The following CLEC16A variants were observed in gnomAD, a reference collection of about 807,000 sequenced individuals.
The protein encoded by CLEC16A is protein CLEC16A.
In CLEC16A, 51 loss-of-function variants were observed where a neutral mutation model predicts 109.5. The observed-to-expected ratio is 0.47, with a 90% CI of 0.37 to 0.59. CLEC16A has a LOEUF of 0.59. Among genes scored for constraint, CLEC16A ranks in the 20% least tolerant of loss-of-function variants. The pLI, the probability that CLEC16A is intolerant of heterozygous loss-of-function variation, is 0.00. For missense variants in CLEC16A, 1,339 were observed against 1,394.0 expected (o/e 0.96, Z 0.63); for synonymous variants, 673 against 564.2 (o/e 1.19, Z -2.73).
intron 19 of CLEC16A, among the ~76,000 whole-genome samples, chr16:11,089,554 C>T (rs143565329): frequency 2.6e-4 from 39 of 152,332 alleles, no homozygotes; most frequent in Non-Finnish European, 3.5e-4. Context: ...CTGCCAACAG[C>T]GCAGGGAAAT....
Position 11,178,379 on chromosome 16 carries a change from C to T in CLEC16A, c.2851C>T (p.Gln951Ter). 1 of 1,613,780 alleles carries T rather than the reference C, an allele frequency of 6.2e-7. No homozygotes were observed. The highest frequency in any genetic ancestry group is 8.5e-7 in the Non-Finnish European group (1 of 1,179,816). Residue 951 changes from glutamine to a stop codon, truncating the protein, a stop_gained, in exon 24 of 24, where the codon CAG becomes TAG. Transcript: ENST00000409790. LOFTEE classifies it low-confidence loss of function (END_TRUNC). The surrounding 1 kb of genome is among the most constrained non-coding windows in gnomAD (Gnocchi z 6.5). ...PELPKPHLPD[Q>*]LVIVNETEAD... The stretch of plus-strand genomic sequence containing the variant: ...ACTGCCTAAGCCTCACCTTCCTGAC[C>T]AGTTGGTAATCGTCAACGAAACGGA...
At chr16:11,101,493 G>T (rs772667756) in intron 19 of CLEC16A, among the ~76,000 whole-genome samples, 1 of 152,166 alleles carries the variant, frequency 6.6e-6, no homozygotes, top group Admixed American at 6.5e-5. Context: ...TGCGTGTCTT[G>T]TTCATTCTGT....
intron 22 of CLEC16A, among the ~76,000 whole-genome samples, chr16:11,165,775 C>G (rs921983160): frequency 2.6e-5 from 4 of 152,120 alleles, no homozygotes; most frequent in African/African-American, 9.7e-5. Flanking sequence ...TGGGCAGACT[C>G]CACCTCCAGG....
chr16:10,969,157 C>T lies in CLEC16A; in HGVS notation c.344-4C>T. The T allele has an allele frequency of 6.2e-7, 1 of 1,604,934 alleles. No homozygotes were observed. The highest frequency in any genetic ancestry group is 1.7e-5 in the Admixed American group (1 of 57,720). Reference sequence around the variant, plus strand: ...TAACCTGTTTTGTTTTTTTCTCCCTCTAGATTATTTGCTCTCAAATAACTA... The same window carrying T: ...TAACCTGTTTTGTTTTTTTCTCCCTTTAGATTATTTGCTCTCAAATAACTA... On this transcript the variant is annotated splice_polypyrimidine_tract_variant and splice_region_variant and intron_variant, in intron 3 of 23. Transcript: ENST00000409790.
chr16:11,061,109 G>A (rs903226188), intron 19 of CLEC16A, 87 bp downstream of exon 19: 85 of 1,401,332 alleles, frequency 6.1e-5, no homozygotes, highest in Non-Finnish European at 7.6e-5. Context: ...CCACTGGGAG[G>A]GTCAGTGTGC....
intron 11 of CLEC16A, among the ~76,000 whole-genome samples, chr16:11,016,960 T>G (rs1229597260): frequency 8.9e-6 from 1 of 112,388 alleles, no homozygotes; most frequent in East Asian, 2.9e-4. Context: ...ATGGTGAGAG[T>G]GAACCTCACA....
intron 19 of CLEC16A, among the ~76,000 whole-genome samples, chr16:11,085,497 G>C (rs1234165170): frequency 1.3e-5 from 2 of 152,246 alleles, no homozygotes; most frequent in African/African-American, 2.4e-5. Flanking sequence ...TGTTTCTTCA[G>C]CTGTAAAATG....
chr16:11,024,877 C>G lies in CLEC16A; in HGVS notation c.1493C>G (p.Ala498Gly). The stretch of plus-strand genomic sequence containing the variant: ...GACAGCCCGGATGATGATTACCATG[C>G]CCTGTTCGTGCTCTGCCTCCTCTAT... ...ALDSPDDDYH[A>G]LFVLCLLYAM... Residue 498 changes from alanine to glycine, a missense_variant, in exon 13 of 24, where the codon GCC becomes GGC. Ala to Gly is a moderately conservative substitution (Grantham distance 60). Around this residue, in one of 3 missense-constraint regions of CLEC16A, gnomAD observed 1,061 missense variants for 1,006.8 expected, o/e 1.05. Transcript: ENST00000409790. 1 of 1,610,154 alleles carries G rather than the reference C, an allele frequency of 6.2e-7. No homozygotes were observed. Among genetic ancestry groups the G allele is most frequent in the Non-Finnish European group, 8.5e-7 (1 of 1,178,296 alleles).
chr16:11,112,273 T>C (rs1026613747), intron 19 of CLEC16A, among the ~76,000 whole-genome samples: 1 of 152,170 alleles, frequency 6.6e-6, no homozygotes, highest in Non-Finnish European at 1.5e-5. Flanking sequence ...GAGACACTTA[T>C]TATCCACTGT....
chr16:11,043,892 A>C, intron 15 of CLEC16A, 136 bp from the exon 16 acceptor site: 4 of 577,134 alleles, frequency 6.9e-6, no homozygotes, highest in Non-Finnish European at 8.7e-6. Flanking sequence ...GGAAAAAAAA[A>C]AAACACCATT....
At chr16:11,082,895 T>A (rs533965653) in intron 19 of CLEC16A, among the ~76,000 whole-genome samples, 8 of 152,284 alleles carry the variant, frequency 5.3e-5, no homozygotes, top group African/African-American at 1.9e-4. Flanking sequence ...ATCAACAGCT[T>A]CTCCATCCAG....
intron 22 of CLEC16A, among the ~76,000 whole-genome samples, chr16:11,158,149 C>T (rs1455195454): frequency 1.3e-5 from 2 of 152,158 alleles, no homozygotes; most frequent in African/African-American, 4.8e-5. Context: ...CACTTGCTGT[C>T]TTCAGTTTGT....
intron 14 of CLEC16A, chr16:11,040,409 G>A (rs2047259728): frequency 6.5e-6 from 1 of 153,572 alleles, no homozygotes; most frequent in Non-Finnish European, 1.4e-5. Context: ...GAGTGGGGTG[G>A]GGCCAGGAGA....
intron 19 of CLEC16A, among the ~76,000 whole-genome samples, chr16:11,097,295 G>A (rs2050661607): frequency 6.6e-6 from 1 of 152,196 alleles, no homozygotes; most frequent in Admixed American, 6.5e-5. Flanking sequence ...TCACAACTGT[G>A]AGTAAATGCC....
chr16:11,145,831 T>C (rs999198211), intron 22 of CLEC16A, among the ~76,000 whole-genome samples: 1 of 152,200 alleles, frequency 6.6e-6, no homozygotes, highest in African/African-American at 2.4e-5. Flanking sequence ...GTGAGTCGGG[T>C]CAAGTGTCTC....
At chr16:11,089,244 C>T (rs990883517) in intron 19 of CLEC16A, among the ~76,000 whole-genome samples, 1 of 152,194 alleles carries the variant, frequency 6.6e-6, no homozygotes, top group Non-Finnish European at 1.5e-5. Context: ...GGACCATGGA[C>T]ATCTTGTTCT....
At chr16:11,054,357 C>T (rs958989595) in intron 18 of CLEC16A, among the ~76,000 whole-genome samples, 4 of 152,210 alleles carry the variant, frequency 2.6e-5, no homozygotes, top group African/African-American at 9.6e-5. Flanking sequence ...CCAGAGTTAT[C>T]GTGAGGACTC....
At chr16:11,101,384 G>A (rs1213097480) in intron 19 of CLEC16A, among the ~76,000 whole-genome samples, 1 of 152,196 alleles carries the variant, frequency 6.6e-6, no homozygotes, top group Admixed American at 6.5e-5. Flanking sequence ...ACAAAGGACA[G>A]GAGTTTCCCA....
intron 19 of CLEC16A, among the ~76,000 whole-genome samples, chr16:11,064,360 C>T (rs1313445956): frequency 1.3e-5 from 2 of 152,392 alleles, no homozygotes; most frequent in Admixed American, 6.5e-5. Context: ...TGTGCTCACC[C>T]ATGTGCTGCC....
Sources: gnomAD v4.1 joint callset for allele counts (sites outside exome capture counted in the v4.1 genomes callset) on GRCh38, gnomAD v4.1.1 for gene constraint, gnomAD v4.1.1 regional missense constraint, Gnocchi (gnomAD v3.1) non-coding constraint, MANE v1.5 for transcripts, NCBI Gene and HGNC (gene_info 2026-07-23, HGNC 2026-07-21) for gene names.